The following SH3D19 variants were observed in gnomAD, a reference collection of about 807,000 sequenced individuals.
SH3D19 encodes the protein SH3 domain containing 19.
A neutral mutation model predicts 112.1 loss-of-function variants in SH3D19; 58 were observed. That is an observed-to-expected ratio of 0.52 (90% CI 0.42 to 0.64). The LOEUF is 0.64. Among genes scored for constraint, SH3D19 ranks in the 30% least tolerant of loss-of-function variants. SH3D19 has a pLI of 0.00. For missense variants in SH3D19, 1,090 were observed against 1,263.4 expected, an observed-to-expected ratio of 0.86 and a Z score of 2.08; for synonymous variants, 391 against 448.5, an observed-to-expected ratio of 0.87 and a Z score of 1.62.
At chr4:151,164,169 GA>G (rs1213467609) in intron 8 of SH3D19, among the ~76,000 whole-genome samples, 1 of 152,326 alleles carries the variant, frequency 6.6e-6, no homozygotes, top group Admixed American at 6.5e-5. Context: ...TGCTACAGGT[GA>G]AAGAGTGGAA....
Position 151,175,348 on chromosome 4 carries a change from T to C in SH3D19, c.856A>G (p.Thr286Ala). Residue 286 changes from threonine to alanine, a missense_variant, in exon 7 of 20, where the codon ACA (threonine) becomes GCA (alanine). Coordinates refer to ENST00000604030, the MANE Select transcript of SH3D19 (RefSeq NM_001378122.1). ...DSQAVMNIMNTEQSQNSIVSR... is the reference protein window; with the variant it reads ...DSQAVMNIMNAEQSQNSIVSR... The stretch of plus-strand genomic sequence containing the variant: ...ACAATACTATTTTGGCTTTGTTCTG[T>C]GTTCATAATGTTCATCACTGCCTGA... 1 of 1,608,500 alleles carries C rather than the reference T, an allele frequency of 6.2e-7. No homozygotes were observed. The highest frequency in any genetic ancestry group is 8.5e-7 in the Non-Finnish European group (1 of 1,177,284).
At chr4:151,259,346 G>A (rs1316158542) in intron 1 of SH3D19, among the ~76,000 whole-genome samples, 1 of 152,160 alleles carries the variant, frequency 6.6e-6, no homozygotes, top group African/African-American at 2.4e-5. Flanking sequence ...ATGCCTGGAT[G>A]GACTGAGGGA....
chr4:151,298,064 G>C (rs777557674), intron 1 of SH3D19, among the ~76,000 whole-genome samples: 8 of 152,096 alleles, frequency 5.3e-5, no homozygotes, highest in African/African-American at 1.2e-4. Context: ...GCTAGAAAAG[G>C]CAAAAACAGG....
At chr4:151,173,572 C>A (rs537579224) in intron 7 of SH3D19, among the ~76,000 whole-genome samples, 26 of 152,312 alleles carry the variant, frequency 1.7e-4, no homozygotes, top group Non-Finnish European at 3.5e-4. Context: ...AGGTACACTG[C>A]AGAAGCTTAA....
chr4:151,184,591 C>G (rs2149844215), intron 3 of SH3D19, among the ~76,000 whole-genome samples: 1 of 130,162 alleles, frequency 7.7e-6, no homozygotes, highest in East Asian at 2.2e-4. Flanking sequence ...CCTCCTTCCT[C>G]TCTCTGCTAG....
intron 1 of SH3D19, among the ~76,000 whole-genome samples, chr4:151,301,831 T>C (rs971423171): frequency 6.6e-5 from 10 of 152,192 alleles, no homozygotes; most frequent in East Asian, 5.8e-4. Flanking sequence ...CATTCTTACA[T>C]TGAGCATTAA....
intron 1 of SH3D19, among the ~76,000 whole-genome samples, chr4:151,312,919 T>A (rs987616324): frequency 6.4e-4 from 94 of 147,386 alleles, no homozygotes; most frequent in Middle Eastern, 3.4e-3. Context: ...AAAAAATAAA[T>A]AAAATAAATA....
chr4:151,283,570 T>C (rs1329644948), intron 1 of SH3D19, among the ~76,000 whole-genome samples: 1 of 147,996 alleles, frequency 6.8e-6, no homozygotes, highest in African/African-American at 2.5e-5. Flanking sequence ...CAGGCTTGAG[T>C]ACAGTGGCAT....
At chr4:151,320,136 A>G (rs187306679) in intron 1 of SH3D19, among the ~76,000 whole-genome samples, 36 of 152,350 alleles carry the variant, frequency 2.4e-4, no homozygotes, top group Middle Eastern at 3.4e-3. Context: ...TGATGATATT[A>G]AAGTTATTTT....
chr4:151,158,699 T>C (rs887025191), intron 9 of SH3D19, among the ~76,000 whole-genome samples: 38 of 147,750 alleles, frequency 2.6e-4, no homozygotes, highest in Admixed American at 4.7e-4. Context: ...AAAAAATAAA[T>C]AAAAGTATTG....
At position 151,135,095 on chromosome 4, in the gene SH3D19, C is replaced by T; in HGVS notation, c.2465G>A (p.Cys822Tyr). The T allele has an allele frequency of 6.2e-7, 1 of 1,605,052 alleles. No individual in the cohort carries two copies. Among genetic ancestry groups the T allele is most frequent in the Non-Finnish European group, 8.5e-7 (1 of 1,175,828 alleles). The change falls in exon 15 of 20, where the codon TGT (cysteine) becomes TAT (tyrosine). Residue 822 changes from cysteine to tyrosine, a missense_variant. Cys to Tyr is a radical substitution (Grantham distance 194). Transcript: ENST00000604030. The stretch of plus-strand genomic sequence containing the variant: ...TTACTTAACACAATGAGATGAAACA[C>T]ATTCTCTTTTCCCATTTCCTCCTTC... ...IPEGGNGKRE[C>Y]VSSHCVKGSR...
intron 1 of SH3D19, chr4:151,228,165 G>A (rs1375228715): frequency 8.7e-6 from 4 of 461,150 alleles, no homozygotes; most frequent in Non-Finnish European, 8.5e-6. Context: ...CAAAAGACTT[G>A]ATTATCTGCT....
At chr4:151,166,710 G>A (rs1339260517) in intron 7 of SH3D19, among the ~76,000 whole-genome samples, 2 of 152,086 alleles carry the variant, frequency 1.3e-5, no homozygotes, top group African/African-American at 4.8e-5. Flanking sequence ...GCACTCCATA[G>A]CTCCTGTGAT....
At chr4:151,125,421 GTGTCACTGCACC>G (rs1748988179) in intron 19 of SH3D19, among the ~76,000 whole-genome samples, 2 of 146,148 alleles carry the variant, frequency 1.4e-5, no homozygotes, top group Non-Finnish European at 3.0e-5. Flanking sequence ...AACTGAGATT[GTGTCACTGCACC>G]TCAGCCTGGG....
intron 1 of SH3D19, chr4:151,277,294 A>T: frequency 1.7e-6 from 2 of 1,209,562 alleles, no homozygotes; most frequent in South Asian, 2.0e-5. Context: ...CACATAGAAC[A>T]ATGTGACACT....
intron 1 of SH3D19, among the ~76,000 whole-genome samples, chr4:151,247,390 C>T (rs1771017109): frequency 1.3e-5 from 2 of 152,194 alleles, no homozygotes; most frequent in Non-Finnish European, 1.5e-5. Flanking sequence ...AGGAGGGTAG[C>T]TCTATGACAA....
chr4:151,298,175 T>C (rs1443374647), intron 1 of SH3D19, among the ~76,000 whole-genome samples: 2 of 140,998 alleles, frequency 1.4e-5, no homozygotes, highest in African/African-American at 5.2e-5. Context: ...AATTACAGAA[T>C]AATAAATTTT....
intron 2 of SH3D19, among the ~76,000 whole-genome samples, chr4:151,191,551 T>C (rs1762630732): frequency 6.6e-6 from 1 of 152,162 alleles, no homozygotes; most frequent in South Asian, 2.1e-4. Context: ...GATCTGATGG[T>C]TTTAAAAGGA....
At chr4:151,238,276 TTTATC>T (rs1770283203) in intron 1 of SH3D19, among the ~76,000 whole-genome samples, 1 of 152,146 alleles carries the variant, frequency 6.6e-6, no homozygotes, top group African/African-American at 2.4e-5. Flanking sequence ...TGTAAATTTT[TTTATC>T]TATTTATGAA....
Sources: allele counts gnomAD v4.1 joint callset (sites outside exome capture counted in the v4.1 genomes callset), GRCh38; gene constraint gnomAD v4.1.1; transcripts MANE v1.5; gene names NCBI Gene and HGNC (gene_info 2026-07-23, HGNC 2026-07-21).